PPP2R2B: variants seen among roughly 807,000 people sequenced by gnomAD.
The protein encoded by PPP2R2B is serine/threonine-protein phosphatase 2A 55 kDa regulatory subunit B beta isoform.
In PPP2R2B, 5 loss-of-function variants were observed where a neutral mutation model predicts 46.0. The observed-to-expected ratio is 0.11, with a 90% confidence interval of 0.06 to 0.23. The LOEUF (loss-of-function observed/expected upper bound fraction) is 0.23, where lower values mean the gene tolerates loss of function less well. Ranked by LOEUF, PPP2R2B falls within the 10% of genes least tolerant of loss-of-function variation. The pLI is 1.00. For missense variants in PPP2R2B, 367 were observed against 575.0 expected (o/e 0.64, Z 3.70); for synonymous variants, 215 against 206.7 (o/e 1.04, Z -0.34).
intron 2 of PPP2R2B, among the ~76,000 whole-genome samples, chr5:146,746,533 G>A (rs1276392992): frequency 6.6e-6 from 1 of 152,172 alleles, no homozygotes; most frequent in Non-Finnish European, 1.5e-5. Flanking sequence ...AGCTCTCAAA[G>A]TATTTATTCT....
intron 7 of PPP2R2B, among the ~76,000 whole-genome samples, chr5:146,625,697 C>T (rs72652836): frequency 0.046 from 7,024 of 152,142 alleles, 371 homozygotes; most frequent in East Asian, 0.23. Context: ...ATGATGGCTC[C>T]CCAAGGATGT....
chr5:146,664,750 T>C (rs1046597807), intron 5 of PPP2R2B, among the ~76,000 whole-genome samples: 15 of 152,188 alleles, frequency 9.9e-5, no homozygotes, highest in South Asian at 4.1e-4. Flanking sequence ...AGAGGAACTA[T>C]TTTTTGGTAG....
intron 2 of PPP2R2B, among the ~76,000 whole-genome samples, chr5:146,853,497 A>G (rs1356881078): frequency 6.6e-6 from 1 of 152,158 alleles, no homozygotes; most frequent in Non-Finnish European, 1.5e-5. Context: ...GGTGACTTTG[A>G]GCAAATTTCT....
chr5:146,961,497 G>A (rs1217864311), intron 1 of PPP2R2B, among the ~76,000 whole-genome samples: 1 of 152,114 alleles, frequency 6.6e-6, no homozygotes, highest in Non-Finnish European at 1.5e-5. Flanking sequence ...TACCTGATAG[G>A]TAAAAATTAG....
intron 1 of PPP2R2B, among the ~76,000 whole-genome samples, chr5:146,895,310 A>T (rs1762610987): frequency 6.6e-6 from 1 of 152,204 alleles, no homozygotes; most frequent in African/African-American, 2.4e-5. Flanking sequence ...CCCCTGCCAT[A>T]CTGCTCTCAT....
At chr5:147,022,823 G>A (rs1278816655) in intron 1 of PPP2R2B, among the ~76,000 whole-genome samples, 1 of 151,762 alleles carries the variant, frequency 6.6e-6, no homozygotes, top group East Asian at 1.9e-4. Context: ...TTGAAAAAAG[G>A]AAAAACAAAA....
At chr5:147,072,756 T>C (rs955381598) in intron 2 of PPP2R2B, among the ~76,000 whole-genome samples, 1 of 152,216 alleles carries the variant, frequency 6.6e-6, no homozygotes, top group Non-Finnish European at 1.5e-5. Context: ...AAAGATCTTA[T>C]TAACATATCC....
At chr5:147,041,461 T>C (rs1756294289) in intron 1 of PPP2R2B, among the ~76,000 whole-genome samples, 1 of 152,144 alleles carries the variant, frequency 6.6e-6, no homozygotes, top group Non-Finnish European at 1.5e-5. Context: ...TCCCCTTTTC[T>C]CCACCATCAT....
At chr5:147,079,872 G>C (rs1019164575) in intron 2 of PPP2R2B, among the ~76,000 whole-genome samples, 1 of 151,948 alleles carries the variant, frequency 6.6e-6, no homozygotes, top group Non-Finnish European at 1.5e-5. Flanking sequence ...AAATATATGA[G>C]GTAATGGATA....
rs529140446 is a variant in PPP2R2B, at chr5:146,581,002, C to T, written c.*8945G>A. ...TCTTGTTCCATGATGGATACTTTCT[C>T]GGTTTCTATGATATTTGTCTGATCT... On this transcript the variant is annotated 3_prime_UTR_variant, in exon 10 of 10. Transcript: ENST00000394411. 3 of 152,138 alleles carry T rather than the reference C, an allele frequency of 2.0e-5. No homozygotes were observed. The East Asian group carries it at 5.8e-4, about 29-fold the overall frequency. The allele number at this position is 152,138 out of a possible 1,614,324, so 9.4% of individuals were successfully genotyped here.
At chr5:146,593,509 A>G (rs1221187019) in intron 8 of PPP2R2B, among the ~76,000 whole-genome samples, 7 of 152,244 alleles carry the variant, frequency 4.6e-5, no homozygotes, top group South Asian at 2.1e-4. Context: ...AATAAATAAG[A>G]TGTTTAGATG....
At chr5:146,904,118 T>C (rs1234895199) in intron 1 of PPP2R2B, among the ~76,000 whole-genome samples, 3 of 152,068 alleles carry the variant, frequency 2.0e-5, no homozygotes. Context: ...CAGACATCAC[T>C]CTCTCTCTCA....
intron 2 of PPP2R2B, among the ~76,000 whole-genome samples, chr5:146,831,140 T>C (rs1414726310): frequency 6.6e-6 from 1 of 151,970 alleles, no homozygotes; most frequent in Non-Finnish European, 1.5e-5. Flanking sequence ...TATACTATAC[T>C]TTTTATCATT....
chr5:146,668,461 T>C (rs1047878772), intron 5 of PPP2R2B, among the ~76,000 whole-genome samples: 1 of 152,208 alleles, frequency 6.6e-6, no homozygotes, highest in Non-Finnish European at 1.5e-5. Flanking sequence ...AGAAGTGCTA[T>C]GAGCCCTTTT....
chr5:146,698,320 ATATAT>A (rs1288915146), intron 3 of PPP2R2B, among the ~76,000 whole-genome samples, 176 bp from the exon 4 acceptor site: 2,042 of 71,472 alleles, frequency 0.029, 77 homozygotes, highest in African/African-American at 0.04. Flanking sequence ...AAAAAAAAAT[ATATAT>A]ATATATATAT....
At chr5:146,840,330 T>C (rs576578583) in intron 2 of PPP2R2B, among the ~76,000 whole-genome samples, 8 of 152,348 alleles carry the variant, frequency 5.3e-5, no homozygotes, top group African/African-American at 1.9e-4. Flanking sequence ...GAATCTTTTT[T>C]TTTACATCGA....
chr5:146,723,805 T>C (rs932012026), intron 2 of PPP2R2B, among the ~76,000 whole-genome samples: 2 of 152,110 alleles, frequency 1.3e-5, no homozygotes, highest in Non-Finnish European at 2.9e-5. Context: ...ACCCTAAATG[T>C]TTATTTCTCT....
upstream of PPP2R2B, among the ~76,000 whole-genome samples, chr5:147,057,009 A>G (rs1757107634): frequency 6.6e-6 from 1 of 152,250 alleles, no homozygotes. Context: ...AAAATAAAAT[A>G]AAAGTGTGCC....
rs1490261757 is a variant in PPP2R2B, at chr5:146,745,188, GAGAGAGAGAGAGAGAGAGAA to G, written c.71-44066_71-44047del. 1.8e-3 allele frequency among the ~76,000 whole-genome samples: 240 copies of G among 133,602 alleles called. 2 individuals are homozygous for G. The highest frequency in any genetic ancestry group is 3.7e-3 in the Middle Eastern group (1 of 268). 87.6% of individuals were successfully genotyped at this position (133,602 alleles called of 152,430 possible). A position where few individuals can be genotyped will look rare whatever the true frequency, so the allele number is the denominator to read the frequency against. On this transcript the variant is annotated intron_variant, in intron 2 of 9. Coordinates refer to ENST00000394411, the MANE Select transcript of PPP2R2B (RefSeq NM_181675.4). The stretch of plus-strand genomic sequence containing the variant: ...AGAGAGAGAGAGAGAGAGAGAGAGA[GAGAGAGAGAGAGAGAGAGAA>G]AGAGACTATAAGCATGGAATGATGT...
Sources: gnomAD v4.1 joint callset for allele counts (sites outside exome capture counted in the v4.1 genomes callset) on GRCh38, gnomAD v4.1.1 for gene constraint, MANE v1.5 for transcripts, NCBI Gene and HGNC (gene_info 2026-07-23, HGNC 2026-07-21) for gene names.